FKBP14: variants seen among roughly 807,000 people sequenced by gnomAD.
The protein encoded by FKBP14 is FKBP prolyl isomerase 14.
In FKBP14, 20 loss-of-function variants were observed where a neutral mutation model predicts 21.6. The observed-to-expected ratio is 0.92, with a 90% CI of 0.65 to 1.34. The LOEUF (loss-of-function observed/expected upper bound fraction) is 1.34. FKBP14 is among the 40% of genes most tolerant of loss of function. The pLI is 0.00. For missense variants in FKBP14, 253 were observed against 249.0 expected (o/e 1.02, Z -0.11); for synonymous variants, 79 against 86.7 (o/e 0.91, Z 0.49).
At chr7:30,018,027 A>G (rs938031443) in intron 3 of FKBP14, among the ~76,000 whole-genome samples, 2 of 151,526 alleles carry the variant, frequency 1.3e-5, no homozygotes, top group Admixed American at 1.3e-4. Flanking sequence ...ATAAATAAAT[A>G]AATAAATAAA....
downstream of FKBP14, among the ~76,000 whole-genome samples, chr7:30,006,899 T>A (rs1488614676): frequency 3.3e-5 from 5 of 152,342 alleles, no homozygotes; most frequent in East Asian, 9.6e-4. Context: ...CCCTTATTTT[T>A]AAAATACTTT....
chr7:30,022,770 G>C lies in FKBP14; in HGVS notation c.244C>G (p.Leu82Val), dbSNP rs759381765. Residue 82 changes from leucine (L) to valine (V), a missense_variant, in exon 2 of 4, where the codon CTG becomes GTG. Physicochemically the swap from Leu to Val is conservative, Grantham distance 32. Transcript: ENST00000222803. ...TGGTCCCAACCTTTGAGAGCCTCCA[G>C]GATGCCCAGGGTAAACCAAATGGGC... Reference protein sequence around the residue: ...GQPIWFTLGILEALKGWDQGL... With the variant: ...GQPIWFTLGIVEALKGWDQGL... The C allele has an allele frequency of 1.2e-6, 2 of 1,614,108 alleles. No individual in the cohort carries two copies. Among genetic ancestry groups the C allele is most frequent in the Admixed American group, 1.7e-5 (1 of 60,020 alleles).
chr7:30,015,714 C>T (rs1361124689), intron 3 of FKBP14, among the ~76,000 whole-genome samples: 1 of 150,734 alleles, frequency 6.6e-6, no homozygotes, highest in Non-Finnish European at 1.5e-5. Context: ...CAAGCTCCGC[C>T]TCCCGGGTTC....
At position 30,026,656 on chromosome 7, in the gene FKBP14, C is replaced by T; in HGVS notation, c.-148G>A. On this transcript the variant is annotated 5_prime_UTR_variant, in exon 1 of 4. The change creates a new upstream start codon in the 5' untranslated region. Coordinates refer to ENST00000222803, the MANE Select transcript of FKBP14 (RefSeq NM_017946.4). The stretch of plus-strand genomic sequence containing the variant: ...CTTAGAAGACGTGGCACATTTACCA[C>T]CAACTCTTTTCTCAAGGGTCACGAA... 3.0e-6 allele frequency: 2 copies of T among 661,120 alleles called. No individual in the cohort carries two copies. Among genetic ancestry groups the T allele is most frequent in the Non-Finnish European group, 5.0e-6 (2 of 402,364 alleles). 41.0% of individuals were successfully genotyped at this position (661,120 alleles called of 1,614,324 possible).
chr7:30,024,409 C>A (rs957538043), intron 1 of FKBP14, among the ~76,000 whole-genome samples: 2 of 152,162 alleles, frequency 1.3e-5, no homozygotes, highest in African/African-American at 2.4e-5. Context: ...GATGGTATTT[C>A]TTTTTCTTCA....
At chr7:30,026,263 G>A (rs1790167666) in intron 1 of FKBP14, 49 bp downstream of exon 1, 1 of 1,527,902 alleles carries the variant, frequency 6.5e-7, no homozygotes, top group East Asian at 2.3e-5. Flanking sequence ...GCTGGCATAA[G>A]TGAGTGGATT....
intron 1 of FKBP14, chr7:30,025,500 TG>T (rs998124857): frequency 7.2e-5 from 11 of 152,322 alleles, no homozygotes; most frequent in African/African-American, 2.6e-4. Flanking sequence ...AATGAATAGA[TG>T]AAGATGATTA....
chr7:30,016,868 A>C (rs1241439278), intron 3 of FKBP14, among the ~76,000 whole-genome samples: 1 of 152,162 alleles, frequency 6.6e-6, no homozygotes, highest in Admixed American at 6.5e-5. Context: ...AGAAGTACAC[A>C]TATAGTATAT....
chr7:30,016,969 G>A (rs943696227), intron 3 of FKBP14, among the ~76,000 whole-genome samples: 1 of 152,124 alleles, frequency 6.6e-6, no homozygotes, highest in African/African-American at 2.4e-5. Context: ...ATGGATTAAT[G>A]TAGAATGTAT....
At chr7:30,021,092 C>T (rs1030168626) in intron 2 of FKBP14, among the ~76,000 whole-genome samples, 1 of 152,164 alleles carries the variant, frequency 6.6e-6, no homozygotes, top group South Asian at 2.1e-4. Flanking sequence ...CTGTCTGGTT[C>T]TGATGACTAC....
chr7:30,006,997 C>T (rs1789629129), downstream of FKBP14, among the ~76,000 whole-genome samples: 1 of 152,206 alleles, frequency 6.6e-6, no homozygotes, highest in African/African-American at 2.4e-5. Flanking sequence ...GGGGTTGAGT[C>T]AGTCTGTCTT....
intron 3 of FKBP14, among the ~76,000 whole-genome samples, chr7:30,016,978 A>T (rs1325775035): frequency 1.3e-5 from 2 of 152,142 alleles, no homozygotes; most frequent in Non-Finnish European, 2.9e-5. Context: ...TGTAGAATGT[A>T]TTTCTAGGAT....
downstream of FKBP14, among the ~76,000 whole-genome samples, chr7:30,009,721 C>T (rs1346008325): frequency 6.6e-6 from 1 of 151,572 alleles, no homozygotes; most frequent in Middle Eastern, 3.2e-3. Flanking sequence ...CGGGCGTGGT[C>T]CCTCACGCCT....
At chr7:30,018,285 T>C (rs1233636575) in intron 3 of FKBP14, among the ~76,000 whole-genome samples, 1 of 152,212 alleles carries the variant, frequency 6.6e-6, no homozygotes, top group Non-Finnish European at 1.5e-5. Context: ...GGACTTGATA[T>C]CTGACCAGTC....
chr7:30,010,461 C>G (rs992608918), downstream of FKBP14: 4 of 152,340 alleles, frequency 2.6e-5, no homozygotes, highest in African/African-American at 9.6e-5. Flanking sequence ...CAAAGTGTCA[C>G]TGTACCCCTC....
rs1790059260 is a variant in FKBP14 at position 30,022,526 on chromosome 7, T to C, written c.349+139A>G. ...GCCATTTCAATTGATACTCAAGACA[T>C]AATACAGTTGCTAAAGGAATACATA... On this transcript the variant is annotated intron_variant, in intron 2 of 3. Coordinates refer to ENST00000222803, the MANE Select transcript of FKBP14 (RefSeq NM_017946.4). The C allele has an allele frequency of 1.8e-5, 14 of 783,772 alleles. No individual in the cohort carries two copies. In the South Asian group the frequency reaches 3.0e-4, roughly 17 times the overall value. 48.6% of individuals were successfully genotyped at this position (783,772 alleles called of 1,614,324 possible).
chr7:30,009,723 C>G (rs534869141), downstream of FKBP14, among the ~76,000 whole-genome samples: 13 of 151,978 alleles, frequency 8.6e-5, no homozygotes, highest in South Asian at 2.7e-3. Flanking sequence ...GGCGTGGTCC[C>G]TCACGCCTGT....
downstream of FKBP14, among the ~76,000 whole-genome samples, chr7:30,009,743 C>T (rs987511093): frequency 6.6e-6 from 1 of 151,262 alleles, no homozygotes; most frequent in South Asian, 2.1e-4. Context: ...TAATCCCAGC[C>T]CTTTGGGAGG....
chr7:30,019,023 A>T lies in FKBP14; in HGVS notation c.450T>A (p.Asn150Lys). The change falls in exon 3 of 4, where the codon AAT (asparagine) becomes AAA (lysine). Residue 150 changes from asparagine (N) to lysine (K), a missense_variant. Coordinates refer to ENST00000222803, the MANE Select transcript of FKBP14 (RefSeq NM_017946.4). ...SHESFQEMDLNDDWKLSKDEV... is the reference protein window; with the variant it reads ...SHESFQEMDLKDDWKLSKDEV... ...CATCTTTAGAGAGTTTCCAGTCATC[A>T]TTAAGATCCATTTCTTGGAATGATT... 1 of 1,609,150 alleles carries T rather than the reference A, an allele frequency of 6.2e-7. No individual in the cohort carries two copies. Among genetic ancestry groups the T allele is most frequent in the Non-Finnish European group, 8.5e-7 (1 of 1,178,536 alleles).
Sources: allele counts gnomAD v4.1 joint callset (sites outside exome capture counted in the v4.1 genomes callset), GRCh38; gene constraint gnomAD v4.1.1; transcripts MANE v1.5; gene names NCBI Gene and HGNC (gene_info 2026-07-23, HGNC 2026-07-21).